Variants in NOS1AP observed in about 807,000 individuals in gnomAD.
NOS1AP encodes carboxyl-terminal PDZ ligand of neuronal nitric oxide synthase protein.
A neutral mutation model predicts 56.2 loss-of-function variants in NOS1AP; 21 were observed. That is an observed-to-expected ratio of 0.37 (90% CI 0.26 to 0.54). NOS1AP has a LOEUF of 0.54. Among genes scored for constraint, NOS1AP ranks in the 20% least tolerant of loss-of-function variants. NOS1AP has a pLI of 0.84. For synonymous variants in NOS1AP, 270 were observed against 274.6 expected (o/e 0.98, Z 0.17); for missense variants, 522 against 657.8 (o/e 0.79, Z 2.26).
chr1:162,342,947 G>T (rs768242868), intron 5 of NOS1AP, among the ~76,000 whole-genome samples: 8 of 152,218 alleles, frequency 5.3e-5, no homozygotes, highest in Admixed American at 2.0e-4. Context: ...GCCCTTCCCA[G>T]CCTGAGCTCT....
chr1:162,086,264 G>A (rs1414984873), intron 1 of NOS1AP, among the ~76,000 whole-genome samples: 1 of 152,038 alleles, frequency 6.6e-6, no homozygotes, highest in East Asian at 1.9e-4. Flanking sequence ...TGGTGGAGGG[G>A]GCAATAATAG....
Position 162,275,756 on chromosome 1 carries a change from A to G in NOS1AP, c.178-11588A>G, listed in dbSNP as rs189833568. Among the ~76,000 whole-genome samples the G allele has an allele frequency of 7.3e-4, 111 of 152,256 alleles. 1 individual carries two copies. The highest frequency in any genetic ancestry group is 7.1e-3 in the Admixed American group (109 of 15,304). On this transcript the variant is annotated intron_variant, in intron 2 of 9. Coordinates refer to ENST00000361897, the MANE Select transcript of NOS1AP (RefSeq NM_014697.3). ...AGTCACCTTGCTCTGCTTTGGATCC[A>G]TGTTCAAATCTCATCTGTCTTCGGG...
intron 2 of NOS1AP, among the ~76,000 whole-genome samples, chr1:162,283,531 C>A (rs1654999057): frequency 6.6e-6 from 1 of 152,182 alleles, no homozygotes; most frequent in Non-Finnish European, 1.5e-5. Context: ...GATCTGTCAG[C>A]AGCTTTCCAA....
intron 2 of NOS1AP, among the ~76,000 whole-genome samples, chr1:162,271,275 C>T (rs1047735026): frequency 7.0e-5 from 10 of 142,112 alleles, no homozygotes; most frequent in Admixed American, 6.4e-4. Context: ...AGGAGTCCAG[C>T]GATGGTACCC....
intron 1 of NOS1AP, among the ~76,000 whole-genome samples, chr1:162,087,114 TCAGTAAAGACACA>T (rs1692020581): frequency 6.6e-6 from 1 of 152,142 alleles, no homozygotes; most frequent in Non-Finnish European, 1.5e-5. Flanking sequence ...TAGTAGCCAC[TCAGTAAAGACACA>T]CAGGGTTGGA....
At chr1:162,364,973 G>GTTTTTT in intron 8 of NOS1AP, 1 of 1,049,058 alleles carries the variant, frequency 9.5e-7, no homozygotes, top group African/African-American at 1.7e-5. Context: ...AAGACAGGAT[G>GTTTTTT]AGAAGAGAGT....
At chr1:162,217,267 C>CTTTTGTTAGCTTTTTTTTTTTTTTT (rs1652604709) in intron 2 of NOS1AP, among the ~76,000 whole-genome samples, 1 of 68,368 alleles carries the variant, frequency 1.5e-5, no homozygotes, top group South Asian at 5.7e-4. Context: ...CTGTTGTTAG[C>CTTTTGTTAGCTTTTTTTTTTTTTTT]TTTTTTTTTT....
chr1:162,249,147 G>C (rs902232632), intron 2 of NOS1AP, among the ~76,000 whole-genome samples: 6 of 152,144 alleles, frequency 3.9e-5, no homozygotes, highest in Non-Finnish European at 5.9e-5. Context: ...GATGCCCATG[G>C]CACTTTGGAT....
intron 1 of NOS1AP, among the ~76,000 whole-genome samples, chr1:162,099,123 C>G (rs1307555336): frequency 6.6e-6 from 1 of 152,166 alleles, no homozygotes; most frequent in South Asian, 2.1e-4. Flanking sequence ...AATTTATACT[C>G]TCACTAACAG....
chr1:162,166,326 G>T (rs773016072), intron 2 of NOS1AP, among the ~76,000 whole-genome samples: 1 of 152,218 alleles, frequency 6.6e-6, no homozygotes, highest in Non-Finnish European at 1.5e-5. Context: ...TCAGAGCAAG[G>T]CACATGGCAT....
intron 7 of NOS1AP, 134 bp from the exon 8 acceptor site, chr1:162,356,826 T>C: frequency 2.5e-6 from 4 of 1,584,054 alleles, no homozygotes; most frequent in Non-Finnish European, 3.4e-6. Flanking sequence ...CCATTTCCAT[T>C]GAAGATATAG....
In NOS1AP at chr1:162,220,282, G is replaced by A. The variant is rs577105389; in HGVS notation, c.177+65806G>A. ...AGGAACTGGGAAGCTTCTTCCTTCT[G>A]TATAACTACCTCCCTCATTTTGATT... On this transcript the variant is annotated intron_variant, in intron 2 of 9. Transcript: ENST00000361897. 1.4e-4 allele frequency among the ~76,000 whole-genome samples: 22 copies of A among 152,216 alleles called. 1 individual carries two copies. The highest frequency in any genetic ancestry group is 5.3e-4 in the African/African-American group (22 of 41,538).
At chr1:162,091,810 C>T (rs1247832471) in intron 1 of NOS1AP, among the ~76,000 whole-genome samples, 2 of 152,188 alleles carry the variant, frequency 1.3e-5, no homozygotes, top group Non-Finnish European at 2.9e-5. Context: ...GAGTGCTGTG[C>T]AGTCTTGCTG....
At chr1:162,132,178 G>C (rs1252424093) in intron 1 of NOS1AP, among the ~76,000 whole-genome samples, 1 of 152,166 alleles carries the variant, frequency 6.6e-6, no homozygotes, top group Non-Finnish European at 1.5e-5. Flanking sequence ...GAGGGTGAAG[G>C]ACTCCTGACT....
At chr1:162,295,325 A>G (rs1655422767) in intron 3 of NOS1AP, among the ~76,000 whole-genome samples, 1 of 152,206 alleles carries the variant, frequency 6.6e-6, no homozygotes, top group Non-Finnish European at 1.5e-5. Flanking sequence ...CAAGACTCCA[A>G]GTCTTTATTT....
chr1:162,082,339 T>C (rs190903436), intron 1 of NOS1AP, among the ~76,000 whole-genome samples: 3 of 152,338 alleles, frequency 2.0e-5, no homozygotes, highest in Non-Finnish European at 2.9e-5. Context: ...CTATCTATCA[T>C]TGATAGGCAT....
intron 1 of NOS1AP, among the ~76,000 whole-genome samples, chr1:162,089,107 T>G (rs1482415049): frequency 1.3e-5 from 2 of 152,208 alleles, no homozygotes; most frequent in Non-Finnish European, 2.9e-5. Context: ...GATGCTAATT[T>G]TTATTGAGTT....
chr1:162,237,806 G>A (rs1653352194), intron 2 of NOS1AP, among the ~76,000 whole-genome samples: 1 of 152,178 alleles, frequency 6.6e-6, no homozygotes, highest in Non-Finnish European at 1.5e-5. Context: ...AAAGTCGTGT[G>A]CTCTACAAAT....
intron 1 of NOS1AP, among the ~76,000 whole-genome samples, chr1:162,082,374 G>A (rs1275480214): frequency 6.6e-6 from 1 of 152,116 alleles, no homozygotes; most frequent in Non-Finnish European, 1.5e-5. Context: ...TGTCTTCACT[G>A]TTGTGAATAA....
Sources: gnomAD v4.1 joint callset for allele counts (sites outside exome capture counted in the v4.1 genomes callset) on GRCh38, gnomAD v4.1.1 for gene constraint, MANE v1.5 for transcripts, NCBI Gene and HGNC (gene_info 2026-07-23, HGNC 2026-07-21) for gene names.